Variants in COL23A1 observed in about 807,000 individuals in gnomAD.
The protein encoded by COL23A1 is collagen alpha-1(XXIII) chain.
Under a neutral mutation model 99.3 loss-of-function variants are expected in COL23A1, and 97 were observed. The ratio of observed to expected loss-of-function variants is 0.98; its 90% CI spans 0.83 to 1.16. The LOEUF (loss-of-function observed/expected upper bound fraction) is 1.16, where lower values mean the gene tolerates loss of function less well. Among genes scored for constraint, COL23A1 ranks in the 50% most tolerant of loss-of-function variants. The pLI, the probability that COL23A1 is intolerant of heterozygous loss-of-function variation, is 0.00. For synonymous variants in COL23A1, 320 were observed against 308.2 expected (o/e 1.04, Z -0.40); for missense variants, 762 against 757.4 (o/e 1.01, Z -0.07).
rs551572209 is a variant in COL23A1, at chr5:178,477,371, C to T, written c.361+83311G>A. Among the ~76,000 whole-genome samples the T allele has an allele frequency of 2.4e-4, 36 of 152,216 alleles. No homozygotes were observed. The Middle Eastern group carries it at 0.01, about 43-fold the overall frequency. On this transcript the variant is annotated intron_variant, in intron 2 of 28. Coordinates refer to ENST00000390654, the MANE Select transcript of COL23A1 (RefSeq NM_173465.4). The stretch of plus-strand genomic sequence containing the variant: ...CTTGTCAGGCATGGATCTTCCCTGC[C>T]CCACTGGAGTCACAGAATCTTCTAG...
At chr5:178,252,120 G>A (rs995561519) in intron 17 of COL23A1, among the ~76,000 whole-genome samples, 4 of 151,730 alleles carry the variant, frequency 2.6e-5, no homozygotes, top group African/African-American at 9.7e-5. Context: ...TCACCATGTT[G>A]GCCAGGCTGG....
rs370149251 is a variant in COL23A1, at chr5:178,250,928, G to A, written c.1015-823C>T. Among the ~76,000 whole-genome samples, 383 of 143,132 alleles carry A rather than the reference G, an allele frequency of 2.7e-3. 1 individual carries two copies. The highest frequency in any genetic ancestry group is 8.2e-3 in the Middle Eastern group (2 of 244). 93.9% of individuals were successfully genotyped at this position (143,132 alleles called of 152,430 possible). ...CCCGGGAGACAGGTTGCAGTGAGCT[G>A]AGATGGTGCCACTGCACTCCAGCCT... On this transcript the variant is annotated intron_variant, in intron 17 of 28. Coordinates refer to ENST00000390654, the MANE Select transcript of COL23A1 (RefSeq NM_173465.4).
chr5:178,424,534 T>C (rs774154776), intron 2 of COL23A1, among the ~76,000 whole-genome samples: 1 of 152,162 alleles, frequency 6.6e-6, no homozygotes, highest in Admixed American at 6.5e-5. Context: ...TCTCTGGAGC[T>C]GAACAAAGAG....
intron 2 of COL23A1, among the ~76,000 whole-genome samples, chr5:178,498,223 T>A (rs62391084): frequency 8.4e-5 from 4 of 47,608 alleles, no homozygotes; most frequent in African/African-American, 1.8e-4. Context: ...TATATATATA[T>A]ATATATATAT....
At chr5:178,263,119 A>AGATGGGGATGGG (rs1431424275) in intron 9 of COL23A1, 89 bp downstream of exon 9, 16 of 942,378 alleles carry the variant, frequency 1.7e-5, no homozygotes, top group Non-Finnish European at 2.6e-5. Context: ...TCTGCACTAG[A>AGATGGGGATGGG]GATGGGGATG....
chr5:178,550,388 TG>T (rs928499220), intron 2 of COL23A1, among the ~76,000 whole-genome samples: 42 of 152,338 alleles, frequency 2.8e-4, no homozygotes, highest in African/African-American at 9.6e-4. Flanking sequence ...ACAGCACCCC[TG>T]CCTCTACCTA....
At chr5:178,476,707 C>T (rs996705039) in intron 2 of COL23A1, among the ~76,000 whole-genome samples, 22 of 152,194 alleles carry the variant, frequency 1.4e-4, no homozygotes, top group Admixed American at 2.0e-4. Context: ...TGGTGTGTGC[C>T]TGTCAACAAC....
chr5:178,267,224 AC>A (rs36081935), intron 8 of COL23A1, 82 bp downstream of exon 8: 1 of 1,441,042 alleles, frequency 6.9e-7, no homozygotes, highest in Non-Finnish European at 9.8e-7. Flanking sequence ...GGGAGCTGGG[AC>A]CCAGAAGCAG....
intron 2 of COL23A1, among the ~76,000 whole-genome samples, chr5:178,419,879 A>G (rs1765511545): frequency 6.6e-6 from 1 of 152,298 alleles, no homozygotes; most frequent in South Asian, 2.1e-4. Flanking sequence ...CCGAGCTGTA[A>G]CCAGTCTCAC....
chr5:178,258,259 A>G (rs116466709), intron 12 of COL23A1, among the ~76,000 whole-genome samples: 1,460 of 128,552 alleles, frequency 0.011, 87 homozygotes, highest in African/African-American at 0.038. Flanking sequence ...ATATATATAT[A>G]TATACACATG....
chr5:178,564,300 C>T (rs73344482), intron 1 of COL23A1, among the ~76,000 whole-genome samples: 4,865 of 152,116 alleles, frequency 0.032, 290 homozygotes, highest in African/African-American at 0.11. Flanking sequence ...TCTCCCGGAC[C>T]CCACCTCTCC....
intron 3 of COL23A1, among the ~76,000 whole-genome samples, chr5:178,298,040 G>A (rs1227301027): frequency 1.3e-5 from 2 of 152,152 alleles, no homozygotes; most frequent in Admixed American, 6.5e-5. Context: ...ACCATATGGT[G>A]GTGTCCCGAG....
intron 2 of COL23A1, among the ~76,000 whole-genome samples, chr5:178,358,109 ATGTG>A (rs1253914856): frequency 7.2e-6 from 1 of 139,352 alleles, no homozygotes; most frequent in Non-Finnish European, 1.5e-5. Context: ...ATGTGTGTGT[ATGTG>A]TATGTGTACG....
In COL23A1 at chr5:178,556,695, T is replaced by C. The variant is rs1193239352; in HGVS notation, c.361+3987A>G. ...AAAGCTGAGTGTGGTAGCTCATGCCTGTAGTCCAACACTTTGGGAGGCTGA... is the reference window on the plus strand; with the variant it reads ...AAAGCTGAGTGTGGTAGCTCATGCCCGTAGTCCAACACTTTGGGAGGCTGA... On this transcript the variant is annotated intron_variant, in intron 2 of 28. Coordinates refer to ENST00000390654, the MANE Select transcript of COL23A1 (RefSeq NM_173465.4). Among the ~76,000 whole-genome samples, 26 of 145,782 alleles carry C rather than the reference T, an allele frequency of 1.8e-4. No individual in the cohort carries two copies. The Admixed American group carries it at 1.9e-3, about 10-fold the overall frequency.
chr5:178,409,569 A>T (rs1390861627), intron 2 of COL23A1, among the ~76,000 whole-genome samples: 1 of 152,246 alleles, frequency 6.6e-6, no homozygotes, highest in Non-Finnish European at 1.5e-5. Flanking sequence ...GTTACATCAG[A>T]TGCAACTATT....
intron 2 of COL23A1, among the ~76,000 whole-genome samples, chr5:178,435,334 A>G (rs954289261): frequency 2.0e-5 from 3 of 152,116 alleles, no homozygotes; most frequent in Non-Finnish European, 4.4e-5. Flanking sequence ...GCAAACATGG[A>G]GCTCAGGGAC....
intron 2 of COL23A1, among the ~76,000 whole-genome samples, chr5:178,491,437 T>C (rs1757929596): frequency 2.0e-5 from 3 of 152,136 alleles, no homozygotes; most frequent in African/African-American, 7.2e-5. Flanking sequence ...CAGACATGAC[T>C]TTCTGCAGAG....
intron 2 of COL23A1, among the ~76,000 whole-genome samples, chr5:178,332,021 CCTT>C (rs1171345860): frequency 6.6e-6 from 1 of 152,198 alleles, no homozygotes; most frequent in Non-Finnish European, 1.5e-5. Context: ...CTGGGGGTGA[CCTT>C]CTCTCTGAGC....
intron 2 of COL23A1, among the ~76,000 whole-genome samples, chr5:178,559,179 T>C (rs1024115219): frequency 3.3e-5 from 5 of 152,314 alleles, no homozygotes; most frequent in East Asian, 1.9e-4. Context: ...CTATAAAGGC[T>C]AGCTCAAGCT....
Sources: allele counts gnomAD v4.1 joint callset (sites outside exome capture counted in the v4.1 genomes callset), GRCh38; gene constraint gnomAD v4.1.1; transcripts MANE v1.5; gene names NCBI Gene and HGNC (gene_info 2026-07-23, HGNC 2026-07-21).